Variants in POU2F2 observed in about 807,000 individuals in gnomAD.
POU2F2 encodes POU class 2 homeobox 2, also known as POU domain, class 2, transcription factor 2.
POU2F2 carries 14 observed loss-of-function variants against 63.5 expected under a neutral mutation model. The ratio of observed to expected loss-of-function variants is 0.22; its 90% CI spans 0.15 to 0.34. POU2F2 has a LOEUF of 0.34. Among genes scored for constraint, POU2F2 ranks in the 10% least tolerant of loss-of-function variants. The pLI is 1.00. For missense variants in POU2F2, 607 were observed against 815.2 expected (o/e 0.74, Z 3.11); for synonymous variants, 306 against 348.6 (o/e 0.88, Z 1.36).
intron 1 of POU2F2, among the ~76,000 whole-genome samples, chr19:42,182,945 T>C (rs1387212891): frequency 6.6e-6 from 1 of 151,370 alleles, no homozygotes; most frequent in Non-Finnish European, 1.5e-5. Flanking sequence ...GAAGACCAGG[T>C]AAAGGGAAGC....
At position 42,162,242 on chromosome 19, in the gene POU2F2, G is replaced by A. The variant is rs1345996314; in HGVS notation, c.-69-1850C>T. Among the ~76,000 whole-genome samples, 1 of 152,090 alleles carries A rather than the reference G, an allele frequency of 6.6e-6. No individual in the cohort carries two copies. Among genetic ancestry groups the A allele is most frequent in the Non-Finnish European group, 1.5e-5 (1 of 68,024 alleles). On this transcript the variant is annotated intron_variant, in intron 1 of 6. Coordinates refer to the POU2F2 transcript ENST00000524801. This position sits in a 1 kb window ranked among gnomAD's most constrained non-coding sequence, Gnocchi z 4.1. Reference sequence around the variant, plus strand: ...GTGCCCATAGGCAGCACCATCCCTGGCATATCTGCTTCCAACTCTCATCCC... The same window carrying A: ...GTGCCCATAGGCAGCACCATCCCTGACATATCTGCTTCCAACTCTCATCCC...
Position 42,092,044 on chromosome 19 carries a change from C to T in POU2F2, c.1466+25G>A, listed in dbSNP as rs1329368463. Reference sequence around the variant, plus strand: ...GCAGCAGCGACCCTGCTTCTCCCCACAGCTTCCCACGTGCACCCACTTACC... The same window carrying T: ...GCAGCAGCGACCCTGCTTCTCCCCATAGCTTCCCACGTGCACCCACTTACC... On this transcript the variant is annotated intron_variant, in intron 13 of 14. Coordinates refer to ENST00000692977, the MANE Select transcript of POU2F2 (RefSeq NM_001394376.1). The surrounding 1 kb of genome is among the most constrained non-coding windows in gnomAD (Gnocchi z 5.0). 1 of 1,584,900 alleles carries T rather than the reference C, an allele frequency of 6.3e-7. No individual in the cohort carries two copies. The highest frequency in any genetic ancestry group is 2.3e-5 in the East Asian group (1 of 44,110).
chr19:42,187,925 C>T (rs1201493719), intron 1 of POU2F2, among the ~76,000 whole-genome samples: 1 of 152,024 alleles, frequency 6.6e-6, no homozygotes, highest in Non-Finnish European at 1.5e-5. Flanking sequence ...TCCTGATACT[C>T]ATGTCCTCGT....
chr19:42,129,953 GCA>G (rs2033555412), intron 1 of POU2F2, among the ~76,000 whole-genome samples: 1 of 152,214 alleles, frequency 6.6e-6, no homozygotes, highest in Non-Finnish European at 1.5e-5. Context: ...AAACAGATGT[GCA>G]CAGATTCCAG....
chr19:42,106,041 TTCTTTC>T (rs997046310), intron 5 of POU2F2, among the ~76,000 whole-genome samples: 2 of 148,516 alleles, frequency 1.3e-5, no homozygotes, highest in Admixed American at 6.7e-5. Context: ...CTTTCTTTCT[TTCTTTC>T]TTTCTTCTTT....
At chr19:42,190,277 TTA>T (rs111912209) in intron 1 of POU2F2, among the ~76,000 whole-genome samples, 18,356 of 151,724 alleles carry the variant, frequency 0.12, 1,291 homozygotes, top group Middle Eastern at 0.18. Flanking sequence ...AAAAAAATCT[TTA>T]TATATATATG....
At chr19:42,194,220 A>C (rs1447504039) in intron 1 of POU2F2, among the ~76,000 whole-genome samples, 2 of 149,668 alleles carry the variant, frequency 1.3e-5, no homozygotes. Context: ...CCGTCTCTAC[A>C]AAAAAAATAA....
At chr19:42,132,470 G>T, upstream of POU2F2, 3 of 1,402,040 alleles carry the variant, frequency 2.1e-6, no homozygotes, top group Non-Finnish European at 1.9e-6. Flanking sequence ...CCTCTCTGGG[G>T]GCCGAGCCCT....
At chr19:42,116,751 G>A (rs1044739835) in intron 5 of POU2F2, 5 of 351,544 alleles carry the variant, frequency 1.4e-5, no homozygotes, top group Non-Finnish European at 2.8e-5. Context: ...TGAGCTGTGG[G>A]GTCCCAGGGG....
intron 5 of POU2F2, among the ~76,000 whole-genome samples, chr19:42,116,011 A>C (rs2031803507): frequency 6.6e-6 from 1 of 152,224 alleles, no homozygotes; most frequent in Admixed American, 6.5e-5. Flanking sequence ...CACCATCGGA[A>C]GCCAGAAGAG....
intron 2 of POU2F2, among the ~76,000 whole-genome samples, chr19:42,148,889 G>A (rs567112104): frequency 1.2e-4 from 18 of 152,168 alleles, no homozygotes; most frequent in Non-Finnish European, 2.4e-4. Flanking sequence ...GGACCCAGGC[G>A]TCTTGAATCC....
rs1000886339 is a variant in POU2F2, at chr19:42,096,801, G to A, written c.568-558C>T. Among the ~76,000 whole-genome samples the A allele has an allele frequency of 2.0e-5, 3 of 152,222 alleles. No homozygotes were observed. Among genetic ancestry groups the A allele is most frequent in the African/African-American group, 4.8e-5 (2 of 41,444 alleles). ...TCAGCTATGAACTTTGGGTAATAGT[G>A]ATGTGTCAATGTAGGTTCATCACCT... is the stretch of plus-strand genomic sequence containing the variant. On this transcript the variant is annotated intron_variant, in intron 7 of 14. Coordinates refer to ENST00000692977, the MANE Select transcript of POU2F2 (RefSeq NM_001394376.1). This position sits in a 1 kb window ranked among gnomAD's most constrained non-coding sequence, Gnocchi z 4.1.
chr19:42,131,394 C>T (rs981251948), intron 1 of POU2F2, among the ~76,000 whole-genome samples: 2 of 152,120 alleles, frequency 1.3e-5, no homozygotes, highest in African/African-American at 4.8e-5. Flanking sequence ...TAGGACAGCA[C>T]ACACCACCAA....
chr19:42,191,061 G>A (rs1255798513), intron 1 of POU2F2, among the ~76,000 whole-genome samples: 4 of 144,046 alleles, frequency 2.8e-5, no homozygotes, highest in East Asian at 2.0e-4. Context: ...GTGACAGAGC[G>A]AGACTCAGTT....
At chr19:42,176,292 G>C (rs2034878448), upstream of POU2F2, among the ~76,000 whole-genome samples, 1 of 152,142 alleles carries the variant, frequency 6.6e-6, no homozygotes, top group Non-Finnish European at 1.5e-5. Flanking sequence ...GGCCCTGGTT[G>C]CGATGTGTTT....
chr19:42,122,118 G>A lies in POU2F2; in HGVS notation c.186+8C>T, dbSNP rs1428519204. Reference sequence around the variant, plus strand: ...CCCACTTCCCTGGCTGTTCTGACAGGTGCTTACCTTTGTACTGGGGCCAGT... The same window carrying A: ...CCCACTTCCCTGGCTGTTCTGACAGATGCTTACCTTTGTACTGGGGCCAGT... On this transcript the variant is annotated splice_region_variant and intron_variant, in intron 4 of 14. Transcript: ENST00000692977. 2 of 1,610,802 alleles carry A rather than the reference G, an allele frequency of 1.2e-6. No homozygotes were observed. The highest frequency in any genetic ancestry group is 2.7e-5 in the African/African-American group (2 of 74,834).
At chr19:42,173,891 T>C (rs995662929) in intron 1 of POU2F2, among the ~76,000 whole-genome samples, 7 of 152,086 alleles carry the variant, frequency 4.6e-5, no homozygotes, top group African/African-American at 1.7e-4. Flanking sequence ...AGGAAGTAGA[T>C]GTGGAATCGC....
upstream of POU2F2, among the ~76,000 whole-genome samples, chr19:42,176,644 C>A (rs2034886107): frequency 3.9e-5 from 6 of 152,066 alleles, no homozygotes; most frequent in Admixed American, 3.9e-4. Flanking sequence ...GTCCCCATTT[C>A]TTTCCATCCC....
chr19:42,188,240 C>T (rs113088910), intron 1 of POU2F2, among the ~76,000 whole-genome samples: 4 of 151,988 alleles, frequency 2.6e-5, no homozygotes, highest in African/African-American at 9.7e-5. Context: ...GTGGTGCGTG[C>T]CTGTGGTCCC....
Sources: gnomAD v4.1 joint callset for allele counts (sites outside exome capture counted in the v4.1 genomes callset) on GRCh38, gnomAD v4.1.1 for gene constraint, Gnocchi (gnomAD v3.1) non-coding constraint, MANE v1.5 for transcripts, NCBI Gene and HGNC (gene_info 2026-07-23, HGNC 2026-07-21) for gene names.